Variants in AHCYL2 observed in about 807,000 individuals in gnomAD.
The protein encoded by AHCYL2 is S-adenosylhomocysteine hydrolase-like protein 2.
In AHCYL2, 28 loss-of-function variants were observed where a neutral mutation model predicts 81.4. The ratio of observed to expected loss-of-function variants is 0.34; its 90% CI spans 0.25 to 0.47. The LOEUF is 0.47. AHCYL2 is among the 20% of genes least tolerant of loss of function. AHCYL2 has a pLI of 1.00. For missense variants in AHCYL2, 551 were observed against 785.1 expected, an observed-to-expected ratio of 0.70 and a Z score of 3.56; for synonymous variants, 272 against 290.2, an observed-to-expected ratio of 0.94 and a Z score of 0.64.
chr7:129,227,501 C>CTAT (rs1241996322), intron 1 of AHCYL2, among the ~76,000 whole-genome samples: 1 of 146,734 alleles, frequency 6.8e-6, no homozygotes, highest in Admixed American at 6.9e-5. Context: ...TGGTGTGTGC[C>CTAT]TATAGTCCCA....
chr7:129,349,965 A>G (rs1793499560), intron 1 of AHCYL2, among the ~76,000 whole-genome samples: 1 of 152,220 alleles, frequency 6.6e-6, no homozygotes, highest in Admixed American at 6.5e-5. Flanking sequence ...TGAAAAACCA[A>G]TCTGCATACT....
intron 1 of AHCYL2, among the ~76,000 whole-genome samples, chr7:129,247,354 T>G (rs1403573304): frequency 2.0e-5 from 3 of 152,246 alleles, no homozygotes; most frequent in Non-Finnish European, 2.9e-5. Flanking sequence ...ATTAGCTATT[T>G]GTATATCTTT....
Position 129,396,507 on chromosome 7 carries a change from C to A in AHCYL2, c.721-715C>A, listed in dbSNP as rs144944799. Among the ~76,000 whole-genome samples the A allele has an allele frequency of 1.4e-3, 211 of 151,354 alleles. 2 individuals carry two copies. In the East Asian group the frequency reaches 0.023, roughly 16 times the overall value. On this transcript the variant is annotated intron_variant, in intron 4 of 16. Transcript: ENST00000325006. ...TGCAATCTCAGCTCACTGCAATCTT[C>A]GCCTCACCGTTTCAAGCCATTGTCC...
chr7:129,304,885 G>C (rs142524459), intron 1 of AHCYL2, among the ~76,000 whole-genome samples: 1 of 150,140 alleles, frequency 6.7e-6, no homozygotes, highest in Admixed American at 6.6e-5. Flanking sequence ...TACATTCAAT[G>C]TTATTATTAA....
At chr7:129,232,971 A>T (rs1317957911) in intron 1 of AHCYL2, among the ~76,000 whole-genome samples, 2 of 152,298 alleles carry the variant, frequency 1.3e-5, no homozygotes, top group East Asian at 3.9e-4. Flanking sequence ...ACTTGGAGTG[A>T]TGTACGGGTT....
At chr7:129,266,830 G>A (rs1026735507) in intron 1 of AHCYL2, among the ~76,000 whole-genome samples, 2 of 152,004 alleles carry the variant, frequency 1.3e-5, no homozygotes, top group Non-Finnish European at 2.9e-5. Context: ...TACCATAAAT[G>A]CTACAAAAGA....
chr7:129,269,093 T>G (rs1200113597), intron 1 of AHCYL2, among the ~76,000 whole-genome samples: 1 of 151,104 alleles, frequency 6.6e-6, no homozygotes, highest in Non-Finnish European at 1.5e-5. Flanking sequence ...CTTTCAAAGT[T>G]TCTTTTTTTT....
chr7:129,303,628 GT>G (rs1797326350), intron 1 of AHCYL2, among the ~76,000 whole-genome samples: 1 of 151,794 alleles, frequency 6.6e-6, no homozygotes, highest in Non-Finnish European at 1.5e-5. Flanking sequence ...ATTTTGTATT[GT>G]TTTCTTCATT....
intron 1 of AHCYL2, among the ~76,000 whole-genome samples, chr7:129,309,375 C>T (rs1231265362): frequency 6.6e-6 from 1 of 152,014 alleles, no homozygotes; most frequent in Non-Finnish European, 1.5e-5. Flanking sequence ...TCCATCTCTA[C>T]AAAAAGTTTA....
At chr7:129,378,108 T>C (rs1453739186) in intron 1 of AHCYL2, among the ~76,000 whole-genome samples, 3 of 152,138 alleles carry the variant, frequency 2.0e-5, no homozygotes, top group Non-Finnish European at 4.4e-5. Flanking sequence ...GGTCAAGAGA[T>C]TGAGACCGTC....
At chr7:129,403,165 T>C (rs977501262) in intron 6 of AHCYL2, among the ~76,000 whole-genome samples, 1 of 152,150 alleles carries the variant, frequency 6.6e-6, no homozygotes, top group African/African-American at 2.4e-5. Context: ...CGAATTACAA[T>C]TGGCCTTTCT....
At chr7:129,366,210 C>T (rs533027221) in intron 1 of AHCYL2, among the ~76,000 whole-genome samples, 5 of 152,222 alleles carry the variant, frequency 3.3e-5, no homozygotes, top group African/African-American at 9.6e-5. Context: ...GTTCTTATTT[C>T]GCCTGCTCTC....
intron 12 of AHCYL2, among the ~76,000 whole-genome samples, chr7:129,417,329 G>C (rs2150959698): frequency 6.6e-6 from 1 of 152,332 alleles, no homozygotes; most frequent in South Asian, 2.1e-4. Flanking sequence ...AGGAAGAGTG[G>C]AAGATGAGGT....
chr7:129,381,387 G>A (rs1794948067), intron 2 of AHCYL2, among the ~76,000 whole-genome samples: 1 of 152,156 alleles, frequency 6.6e-6, no homozygotes, highest in African/African-American at 2.4e-5. Context: ...GTTTCTAAGT[G>A]AGCACATAGT....
At chr7:129,270,683 C>T (rs1244486760) in intron 1 of AHCYL2, among the ~76,000 whole-genome samples, 6 of 152,162 alleles carry the variant, frequency 3.9e-5, no homozygotes, top group Non-Finnish European at 1.5e-5. Context: ...TTTTAACAAC[C>T]ACATGGGAAT....
intron 12 of AHCYL2, among the ~76,000 whole-genome samples, chr7:129,418,534 C>T (rs1439903771): frequency 2.0e-5 from 3 of 152,090 alleles, no homozygotes; most frequent in Non-Finnish European, 2.9e-5. Context: ...CTCCTGACTT[C>T]GTGACCCACC....
Position 129,399,245 on chromosome 7 carries a change from G to A in AHCYL2, c.824-1045G>A, listed in dbSNP as rs868050384. On this transcript the variant is annotated intron_variant, in intron 5 of 16. Transcript: ENST00000325006. Reference sequence around the variant, plus strand: ...GGGCGGATCATGAGGTCAGAAGTTCGAGACCAGCCTGGCCAATATGGTGAA... The same window carrying A: ...GGGCGGATCATGAGGTCAGAAGTTCAAGACCAGCCTGGCCAATATGGTGAA... Among the ~76,000 whole-genome samples, 27 of 149,148 alleles carry A rather than the reference G, an allele frequency of 1.8e-4. 1 individual carries two copies. Among genetic ancestry groups the A allele is most frequent in the Non-Finnish European group, 1.0e-4 (7 of 67,402 alleles).
chr7:129,266,702 G>A lies in AHCYL2; in HGVS notation c.363+41263G>A, dbSNP rs539614650. 1.3e-4 allele frequency among the ~76,000 whole-genome samples: 20 copies of A among 152,270 alleles called. No homozygotes were observed. In the South Asian group the frequency reaches 3.9e-3, roughly 30 times the overall value. The stretch of plus-strand genomic sequence containing the variant: ...TGGTACTGAGCTAGATACTGAGGGC[G>A]GGGAATAGGAGGGGCAATCCAAAGC... On this transcript the variant is annotated intron_variant, in intron 1 of 16. Transcript: ENST00000325006.
chr7:129,314,581 T>C (rs757784279), intron 1 of AHCYL2, among the ~76,000 whole-genome samples: 23 of 152,196 alleles, frequency 1.5e-4, no homozygotes, highest in Non-Finnish European at 2.8e-4. Context: ...TGTCCTTGCA[T>C]AGTGGAAGGG....
Sources: allele counts gnomAD v4.1 joint callset (sites outside exome capture counted in the v4.1 genomes callset), GRCh38; gene constraint gnomAD v4.1.1; transcripts MANE v1.5; gene names NCBI Gene and HGNC (gene_info 2026-07-23, HGNC 2026-07-21).